The following CRYBG1 variants were observed in gnomAD, a reference collection of about 807,000 sequenced individuals.
CRYBG1 encodes crystallin beta-gamma domain containing 1.
In CRYBG1, 139 loss-of-function variants were observed where a neutral mutation model predicts 189.2. That is an observed-to-expected ratio of 0.73 (90% CI 0.64 to 0.85). The LOEUF (loss-of-function observed/expected upper bound fraction) is 0.85, where lower values mean the gene tolerates loss of function less well. CRYBG1 is among the 40% of genes least tolerant of loss of function. The pLI, the probability that CRYBG1 is intolerant of heterozygous loss-of-function variation, is 0.00. For missense variants in CRYBG1, 2,611 were observed against 2,675.8 expected, an observed-to-expected ratio of 0.98 and a Z score of 0.53; for synonymous variants, 1,023 against 1,017.1, an observed-to-expected ratio of 1.01 and a Z score of -0.11.
At chr6:106,403,210 G>A (rs1014420187) in intron 1 of CRYBG1, among the ~76,000 whole-genome samples, 1 of 152,154 alleles carries the variant, frequency 6.6e-6, no homozygotes, top group African/African-American at 2.4e-5. Context: ...AGCAGCATGT[G>A]CCTGTAGTCC....
intron 1 of CRYBG1, among the ~76,000 whole-genome samples, chr6:106,432,105 C>G (rs867072566): frequency 6.6e-6 from 1 of 152,164 alleles, no homozygotes; most frequent in African/African-American, 2.4e-5. Flanking sequence ...CAAAATGCCT[C>G]TTGTCTGTTG....
intron 2 of CRYBG1, among the ~76,000 whole-genome samples, chr6:106,503,982 G>A (rs772075257): frequency 7.4e-6 from 1 of 134,608 alleles, no homozygotes; most frequent in Non-Finnish European, 1.5e-5. Flanking sequence ...ACCTTTGATT[G>A]TACCCAACAG....
At position 106,525,349 on chromosome 6, in the gene CRYBG1, C is replaced by A. The variant is rs1304500638; in HGVS notation, c.4375C>A (p.Leu1459Ile). 1.9e-6 allele frequency: 3 copies of A among 1,614,116 alleles called. No homozygotes were observed. The highest frequency in any genetic ancestry group is 2.2e-5 in the South Asian group (2 of 91,086). The change falls in exon 6 of 22, where the codon CTC becomes ATC. Residue 1459 changes from leucine to isoleucine, a missense_variant. Leu to Ile is a conservative substitution (Grantham distance 5, BLOSUM62 2). Transcript: ENST00000633556. ...CATTCAGGATTGCAGTTCTTGGAGC[C>A]TCTCTCCAGTGATACTCATAAAAGT... The part of the protein sequence containing the change: ...SDIQDCSSWS[L>I]SPVILIKVVR...
intron 3 of CRYBG1, among the ~76,000 whole-genome samples, chr6:106,513,408 A>G (rs1383776268): frequency 6.6e-6 from 1 of 152,202 alleles, no homozygotes; most frequent in Non-Finnish European, 1.5e-5. Context: ...CTTAAAATGC[A>G]TGTGCTGTGA....
intron 21 of CRYBG1, among the ~76,000 whole-genome samples, chr6:106,565,152 T>C (rs574887077): frequency 6.6e-6 from 1 of 152,112 alleles, no homozygotes; most frequent in East Asian, 1.9e-4. Flanking sequence ...ACCCCGTCTC[T>C]ACTAAAAAAT....
In CRYBG1 at chr6:106,525,348, C is replaced by G; in HGVS notation, c.4374C>G (p.Ser1458Arg). The change falls in exon 6 of 22, where the codon AGC becomes AGG. Residue 1458 changes from serine (S) to arginine (R), a missense_variant. Ser to Arg is a moderately radical substitution (Grantham distance 110). Around this residue, in one of 3 missense-constraint regions of CRYBG1, gnomAD observed 1,622 missense variants for 1,735.0 expected, o/e 0.93. Coordinates refer to ENST00000633556, the MANE Select transcript of CRYBG1 (RefSeq NM_001371242.2). ...FSDIQDCSSW[S>R]LSPVILIKVV... ...ACATTCAGGATTGCAGTTCTTGGAG[C>G]CTCTCTCCAGTGATACTCATAAAAG... is the stretch of plus-strand genomic sequence containing the variant. The G allele has an allele frequency of 3.7e-6, 6 of 1,614,106 alleles. No individual in the cohort carries two copies. Among genetic ancestry groups the G allele is most frequent in the Non-Finnish European group, 5.1e-6 (6 of 1,179,988 alleles).
chr6:106,422,290 A>G (rs11152987), intron 1 of CRYBG1, among the ~76,000 whole-genome samples: 17,216 of 151,198 alleles, frequency 0.11, 1,030 homozygotes, highest in East Asian at 0.15. Context: ...TTGGTTTAAT[A>G]CCTTTCTAAT....
intron 2 of CRYBG1, among the ~76,000 whole-genome samples, chr6:106,458,070 C>G (rs1200492884): frequency 1.3e-5 from 2 of 152,162 alleles, no homozygotes; most frequent in East Asian, 1.9e-4. Flanking sequence ...CTTTTTAATA[C>G]TTTTATTTTT....
At chr6:106,533,412 T>C (rs979640417) in intron 8 of CRYBG1, among the ~76,000 whole-genome samples, 2 of 152,246 alleles carry the variant, frequency 1.3e-5, no homozygotes, top group African/African-American at 4.8e-5. Context: ...TTACTCTACG[T>C]GGCATGGAGA....
chr6:106,397,123 C>T (rs906796672), intron 1 of CRYBG1, among the ~76,000 whole-genome samples: 1 of 152,118 alleles, frequency 6.6e-6, no homozygotes, highest in Non-Finnish European at 1.5e-5. Context: ...TTTCCTCAAG[C>T]TTTACTAACG....
rs750194381 is a variant in CRYBG1, at chr6:106,512,559, C to T, written c.1442C>T (p.Ala481Val). 1 of 1,607,396 alleles carries T rather than the reference C, an allele frequency of 6.2e-7. No individual in the cohort carries two copies. Among genetic ancestry groups the T allele is most frequent in the African/African-American group, 1.3e-5 (1 of 74,958 alleles). The change falls in exon 3 of 22, where the codon GCT (alanine) becomes GTT (valine). Residue 481 changes from alanine to valine, a missense_variant. Ala to Val is a moderately conservative substitution (Grantham distance 64). Transcript: ENST00000633556. ...GCCCTCGACGGGGGCGTTGCCTCCG[C>T]TGCGAGCCCAGAGTCCAAGCCCAGC... ...RAALDGGVAS[A>V]ASPESKPSPG...
intron 1 of CRYBG1, among the ~76,000 whole-genome samples, chr6:106,385,594 A>G (rs1297358735): frequency 6.6e-6 from 1 of 152,244 alleles, no homozygotes; most frequent in Non-Finnish European, 1.5e-5. Context: ...TAACATCTTC[A>G]TGCACATCCT....
chr6:106,437,634 G>T (rs551690331), intron 1 of CRYBG1, among the ~76,000 whole-genome samples: 17 of 152,244 alleles, frequency 1.1e-4, no homozygotes, highest in South Asian at 6.2e-4. Flanking sequence ...ACAGGGTGTT[G>T]CTATGTTGCC....
chr6:106,403,206 A>C (rs371209617), intron 1 of CRYBG1, among the ~76,000 whole-genome samples: 2 of 152,144 alleles, frequency 1.3e-5, no homozygotes, highest in Non-Finnish European at 2.9e-5. Flanking sequence ...GCACAGCAGC[A>C]TGTGCCTGTA....
At chr6:106,525,437 C>T in intron 6 of CRYBG1, 51 bp downstream of exon 6, 1 of 1,435,210 alleles carries the variant, frequency 7.0e-7, no homozygotes, top group Non-Finnish European at 9.8e-7. Flanking sequence ...GTTTTACATA[C>T]TTAATTAACT....
intron 1 of CRYBG1, among the ~76,000 whole-genome samples, chr6:106,438,128 A>G (rs1037925710): frequency 3.3e-5 from 5 of 152,200 alleles, no homozygotes; most frequent in African/African-American, 1.2e-4. Context: ...GAGACAGCCC[A>G]TTCTACACCT....
intron 1 of CRYBG1, among the ~76,000 whole-genome samples, chr6:106,408,182 T>G (rs1401759130): frequency 6.6e-6 from 1 of 152,086 alleles, no homozygotes; most frequent in Non-Finnish European, 1.5e-5. Context: ...TAAAAAATGA[T>G]GAAGGGGTAT....
chr6:106,438,530 T>C (rs894494102), intron 1 of CRYBG1, among the ~76,000 whole-genome samples: 2 of 152,162 alleles, frequency 1.3e-5, no homozygotes, highest in Non-Finnish European at 2.9e-5. Flanking sequence ...TCTCGTTGGC[T>C]TCCCACTGCG....
At chr6:106,393,212 G>C (rs1770541878) in intron 1 of CRYBG1, among the ~76,000 whole-genome samples, 1 of 152,178 alleles carries the variant, frequency 6.6e-6, no homozygotes, top group Non-Finnish European at 1.5e-5. Flanking sequence ...TTCTGAGATG[G>C]AACATGGAGG....
Sources: gnomAD v4.1 joint callset for allele counts (sites outside exome capture counted in the v4.1 genomes callset) on GRCh38, gnomAD v4.1.1 for gene constraint, gnomAD v4.1.1 regional missense constraint, MANE v1.5 for transcripts, NCBI Gene and HGNC (gene_info 2026-07-23, HGNC 2026-07-21) for gene names.